CCDC102B: variants seen among roughly 807,000 people sequenced by gnomAD.
The protein encoded by CCDC102B is coiled-coil domain-containing protein 102B.
A neutral mutation model predicts 57.4 loss-of-function variants in CCDC102B; 75 were observed. The observed-to-expected ratio is 1.31, with a 90% CI of 1.08 to 1.58. CCDC102B has a LOEUF of 1.58. Ranked by LOEUF, CCDC102B falls within the 40% of genes most tolerant of loss-of-function variation. CCDC102B has a pLI of 0.00. For missense variants in CCDC102B, 636 were observed against 582.6 expected (o/e 1.09, Z -0.94); for synonymous variants, 206 against 201.9 (o/e 1.02, Z -0.17).
intron 2 of CCDC102B, chr18:68,753,380 A>G (rs913299454): frequency 5.3e-5 from 8 of 152,102 alleles, no homozygotes; most frequent in Non-Finnish European, 8.8e-5. Flanking sequence ...TCTTATGAAA[A>G]CTTAGATATC....
intron 2 of CCDC102B, among the ~76,000 whole-genome samples, chr18:68,742,435 C>A (rs981646053): frequency 6.6e-6 from 1 of 152,210 alleles, no homozygotes; most frequent in Non-Finnish European, 1.5e-5. Flanking sequence ...TTGACACATA[C>A]CATGGGTTAG....
downstream of CCDC102B, among the ~76,000 whole-genome samples, chr18:69,056,157 GGAA>G (rs766980646): frequency 9.9e-5 from 15 of 152,090 alleles, no homozygotes; most frequent in Non-Finnish European, 1.8e-4. Flanking sequence ...AGAACATACT[GGAA>G]GAAGACTAAT....
intron 5 of CCDC102B, among the ~76,000 whole-genome samples, chr18:68,886,444 CA>C (rs56724754): frequency 0.6 from 91,266 of 151,742 alleles, 28,067 homozygotes; most frequent in East Asian, 0.9. Flanking sequence ...TTAACAGCAA[CA>C]AAAAAGTGAT....
chr18:68,940,693 G>A (rs1436226212), intron 6 of CCDC102B, among the ~76,000 whole-genome samples: 3 of 151,944 alleles, frequency 2.0e-5, no homozygotes, highest in East Asian at 1.9e-4. Context: ...GGTAATTTTA[G>A]CAGCAGTGTG....
At chr18:68,871,758 G>A (rs917953146) in intron 4 of CCDC102B, among the ~76,000 whole-genome samples, 1 of 152,144 alleles carries the variant, frequency 6.6e-6, no homozygotes, top group African/African-American at 2.4e-5. Context: ...ATCGGATCAT[G>A]TGGATAATAA....
intron 2 of CCDC102B, among the ~76,000 whole-genome samples, chr18:68,724,569 T>C (rs2032506226): frequency 6.6e-6 from 1 of 152,214 alleles, no homozygotes; most frequent in African/African-American, 2.4e-5. Context: ...TGCTAAAACA[T>C]AGCAAGAATT....
intron 2 of CCDC102B, among the ~76,000 whole-genome samples, chr18:68,745,543 G>C (rs1377551530): frequency 4.6e-5 from 7 of 152,008 alleles, no homozygotes; most frequent in African/African-American, 1.7e-4. Flanking sequence ...GATCAGATTA[G>C]TGAGCGTATC....
At chr18:68,780,127 T>G (rs2034957621) in intron 2 of CCDC102B, among the ~76,000 whole-genome samples, 1 of 152,172 alleles carries the variant, frequency 6.6e-6, no homozygotes, top group African/African-American at 2.4e-5. Context: ...CGTTGTTTTT[T>G]TCACTGACTT....
At chr18:68,798,461 T>G (rs1251348275) in intron 1 of CCDC102B, 1 of 152,174 alleles carries the variant, frequency 6.6e-6, no homozygotes, top group Admixed American at 6.6e-5. Flanking sequence ...AGGTAAGAAT[T>G]TCGACTCTAC....
At chr18:69,047,583 G>T (rs553574477) in intron 7 of CCDC102B, among the ~76,000 whole-genome samples, 1 of 152,176 alleles carries the variant, frequency 6.6e-6, no homozygotes, top group South Asian at 2.1e-4. Context: ...CAAATTGGAA[G>T]AGAGAATGTG....
At chr18:68,876,058 AGACT>A (rs1300705447) in intron 5 of CCDC102B, among the ~76,000 whole-genome samples, 1 of 152,232 alleles carries the variant, frequency 6.6e-6, no homozygotes, top group African/African-American at 2.4e-5. Flanking sequence ...AAGAGGAATC[AGACT>A]ATCAGGATAG....
intron 4 of CCDC102B, chr18:68,858,813 C>A (rs2144870926): frequency 6.6e-6 from 1 of 152,132 alleles, no homozygotes; most frequent in Middle Eastern, 3.4e-3. Flanking sequence ...GCTTTCAGAT[C>A]TTTGGAATAA....
At chr18:68,995,869 G>A (rs2145340587) in intron 6 of CCDC102B, among the ~76,000 whole-genome samples, 1 of 152,276 alleles carries the variant, frequency 6.6e-6, no homozygotes, top group African/African-American at 2.4e-5. Context: ...AAAAGTCACA[G>A]GCACTCAATG....
intron 4 of CCDC102B, chr18:68,866,840 TG>T: frequency 1.4e-6 from 1 of 694,442 alleles, no homozygotes. Context: ...TCCCTGTGTC[TG>T]GGGCCAGCAC....
chr18:68,929,945 T>C (rs2041611304), intron 6 of CCDC102B, among the ~76,000 whole-genome samples: 1 of 151,830 alleles, frequency 6.6e-6, no homozygotes, highest in African/African-American at 2.4e-5. Context: ...GGAGAAAATA[T>C]TAAGTTACCA....
intron 2 of CCDC102B, among the ~76,000 whole-genome samples, chr18:68,756,415 C>T (rs1464799507): frequency 6.6e-6 from 1 of 152,116 alleles, no homozygotes. Context: ...GATTCAATAA[C>T]TCTGTAAGAG....
intron 2 of CCDC102B, among the ~76,000 whole-genome samples, chr18:68,746,429 A>T (rs1026266137): frequency 1.1e-4 from 17 of 152,304 alleles, no homozygotes; most frequent in Admixed American, 4.6e-4. Context: ...AATCTTAAAC[A>T]GGTTGCTACC....
downstream of CCDC102B, chr18:69,055,275 G>A (rs1488355864): frequency 1.5e-5 from 8 of 523,196 alleles, no homozygotes; most frequent in African/African-American, 6.2e-5. Context: ...ATGACTAATA[G>A]GAACGCAGCA....
chr18:68,897,188 C>T (rs1684938049), intron 5 of CCDC102B, 31 bp from the exon 6 acceptor site: 2 of 1,568,790 alleles, frequency 1.3e-6, no homozygotes, highest in Admixed American at 1.8e-5. Flanking sequence ...GCAAATGCTG[C>T]ATGCTGCTTC....
Sources: gnomAD v4.1 joint callset for allele counts (sites outside exome capture counted in the v4.1 genomes callset) on GRCh38, gnomAD v4.1.1 for gene constraint, MANE v1.5 for transcripts, NCBI Gene and HGNC (gene_info 2026-07-23, HGNC 2026-07-21) for gene names.